Variants in GLIS2 observed in about 807,000 individuals in gnomAD.
The protein encoded by GLIS2 is zinc finger protein GLIS2.
GLIS2 carries 14 observed loss-of-function variants against 35.6 expected under a neutral mutation model. The observed-to-expected ratio is 0.39, with a 90% CI of 0.26 to 0.61. The LOEUF is 0.61. Among genes scored for constraint, GLIS2 ranks in the 20% least tolerant of loss-of-function variants. The pLI is 0.48. For missense variants in GLIS2, 675 were observed against 713.4 expected (o/e 0.95, Z 0.61); for synonymous variants, 368 against 325.1 (o/e 1.13, Z -1.42).
chr16:4,316,844 G>A (rs1330179321), intron 1 of GLIS2, among the ~76,000 whole-genome samples: 2 of 152,176 alleles, frequency 1.3e-5, no homozygotes, highest in African/African-American at 4.8e-5. Flanking sequence ...CCTGCGGTCC[G>A]GGTGGACGCA....
intron 1 of GLIS2, among the ~76,000 whole-genome samples, chr16:4,322,321 T>G (rs1322533070): frequency 1.3e-5 from 2 of 152,146 alleles, no homozygotes; most frequent in African/African-American, 2.4e-5. Flanking sequence ...CCTCGTCTAC[T>G]CCATGACTGG....
chr16:4,329,918 T>G (rs1003163790), intron 1 of GLIS2, among the ~76,000 whole-genome samples: 4 of 152,114 alleles, frequency 2.6e-5, no homozygotes, highest in Non-Finnish European at 5.9e-5. Context: ...GAAGTTTGGG[T>G]TTAGAATGAA....
chr16:4,338,024 A>C lies in GLIS2; in HGVS notation c.*500A>C. ...AGCCCCTGCCCTGGGGGCTCCTTGGACCCCTTTCCCTCTGACCCTGCCTCC... is the reference window on the plus strand; with the variant it reads ...AGCCCCTGCCCTGGGGGCTCCTTGGCCCCCTTTCCCTCTGACCCTGCCTCC... On this transcript the variant is annotated 3_prime_UTR_variant, in exon 7 of 7. Transcript: ENST00000433375. The C allele has an allele frequency of 9.8e-6, 2 of 203,672 alleles. No homozygotes were observed. Among genetic ancestry groups the C allele is most frequent in the Non-Finnish European group, 1.0e-5 (1 of 99,164 alleles). The allele number at this position is 203,672 out of a possible 1,614,324, so 12.6% of individuals were successfully genotyped here.
intron 1 of GLIS2, among the ~76,000 whole-genome samples, chr16:4,317,543 T>C (rs2053327335): frequency 6.6e-6 from 1 of 152,060 alleles, no homozygotes; most frequent in East Asian, 1.9e-4. Context: ...GGTGCCACAG[T>C]GCCACAGCTG....
At chr16:4,318,382 G>A (rs574727647) in intron 1 of GLIS2, among the ~76,000 whole-genome samples, 66 of 152,304 alleles carry the variant, frequency 4.3e-4, no homozygotes, top group African/African-American at 1.5e-3. Flanking sequence ...GAAAGAGGGT[G>A]TAAATCCAGC....
At chr16:4,325,183 C>T (rs1020373393) in intron 1 of GLIS2, 1 of 152,306 alleles carries the variant, frequency 6.6e-6, no homozygotes, top group Non-Finnish European at 1.5e-5. Flanking sequence ...CCCTCCTAGC[C>T]CCACAAGTCC....
rs965094283 is a variant in GLIS2 at position 4,337,143 on chromosome 16, G to A, written c.1194G>A (p.Met398Ile). 2 of 1,537,484 alleles carry A rather than the reference G, an allele frequency of 1.3e-6. No individual in the cohort carries two copies. Among genetic ancestry groups the A allele is most frequent in the Admixed American group, 2.0e-5 (1 of 50,988 alleles). The change falls in exon 7 of 7, where the codon ATG (methionine) becomes ATA (isoleucine). Residue 398 changes from methionine to isoleucine, a missense_variant. By Grantham distance (10) the Met-to-Ile change is conservative (BLOSUM62 1). Around this residue, in one of 3 missense-constraint regions of GLIS2, gnomAD observed 317 missense variants for 283.2 expected, o/e 1.12. Coordinates refer to ENST00000433375, the MANE Select transcript of GLIS2 (RefSeq NM_032575.3). ...NGGGSGGGGG[M>I]GPGLPGPVLP... ...GGGGCAGTGGGGGTGGGGGGGGCAT[G>A]GGCCCTGGGCTGCCAGGCCCCGTCC...
chr16:4,325,551 A>G (rs546404483), intron 1 of GLIS2, among the ~76,000 whole-genome samples: 1 of 152,230 alleles, frequency 6.6e-6, no homozygotes, highest in African/African-American at 2.4e-5. Flanking sequence ...GGTTCCAGTA[A>G]TAGACTCAGG....
chr16:4,332,392 A>G lies in GLIS2; in HGVS notation c.112A>G (p.Arg38Gly), dbSNP rs2053507012. The G allele has an allele frequency of 1.2e-6, 2 of 1,612,940 alleles. No homozygotes were observed. The highest frequency in any genetic ancestry group is 1.3e-5 in the African/African-American group (1 of 75,054). The change falls in exon 2 of 7, where the codon AGG becomes GGG. Residue 38 changes from arginine to glycine, a missense_variant. Coordinates refer to ENST00000433375, the MANE Select transcript of GLIS2 (RefSeq NM_032575.3). This position sits in a 1 kb window ranked among gnomAD's most constrained non-coding sequence, Gnocchi z 5.4. ...TGTGGTCCGGCCCCGTGCTCTGCACAGGGAGCTGGGCCTGGTGGATGACAG... is the reference window on the plus strand; with the variant it reads ...TGTGGTCCGGCCCCGTGCTCTGCACGGGGAGCTGGGCCTGGTGGATGACAG... ...LGVVRPRALH[R>G]ELGLVDDSPT... is the part of the protein sequence containing the mutation.
Position 4,339,183 on chromosome 16 carries a change from G to T in GLIS2, c.*1659G>T, listed in dbSNP as rs1394885727. ...CTCGAAGGGGCTATGAGCAAGGTAG[G>T]AGGGAGCTGGTCTCCTTTCTTCGGG... On this transcript the variant is annotated 3_prime_UTR_variant, in exon 7 of 7. Transcript: ENST00000433375. 1 of 152,514 alleles carries T rather than the reference G, an allele frequency of 6.6e-6. No homozygotes were observed. The highest frequency in any genetic ancestry group is 1.5e-5 in the Non-Finnish European group (1 of 68,196). 9.4% of individuals were successfully genotyped at this position (152,514 alleles called of 1,614,324 possible).
At chr16:4,318,599 A>G (rs969942290) in intron 1 of GLIS2, among the ~76,000 whole-genome samples, 1 of 152,194 alleles carries the variant, frequency 6.6e-6, no homozygotes, top group Non-Finnish European at 1.5e-5. Flanking sequence ...GAGGGCTGAG[A>G]GTGAACAGGC....
chr16:4,315,785 CCCCTCCCTCGG>C (rs1296982163), upstream of GLIS2, among the ~76,000 whole-genome samples: 3 of 151,020 alleles, frequency 2.0e-5, no homozygotes, highest in Non-Finnish European at 3.0e-5. Context: ...CCCTCCCTTC[CCCCTCCCTCGG>C]CCCAGCGCCG....
rs1208397595 is a variant in GLIS2 at position 4,338,354 on chromosome 16, CAG to C, written c.*831_*832del. The C allele has an allele frequency of 6.6e-6, 1 of 152,316 alleles. No individual in the cohort carries two copies. Among genetic ancestry groups the C allele is most frequent in the African/African-American group, 2.4e-5 (1 of 41,470 alleles). 9.4% of individuals were successfully genotyped at this position (152,316 alleles called of 1,614,324 possible). On this transcript the variant is annotated 3_prime_UTR_variant, in exon 7 of 7. Transcript: ENST00000433375. ...ATACTGAGTGACCTGGGCCCTGGCT[CAG>C]GGAGCATGTGGGGCCAGGCCCAGCG...
chr16:4,330,002 C>T (rs1170150488), intron 1 of GLIS2, among the ~76,000 whole-genome samples: 2 of 152,068 alleles, frequency 1.3e-5, no homozygotes, highest in Admixed American at 6.5e-5. Context: ...CCAGGTGGGG[C>T]GAGGTGGCTC....
rs750906253 is a variant in GLIS2, at chr16:4,337,077, C to T, written c.1128C>T (p.Pro376=). ...CCGGCTTACCCCTACCCCTGGCCCC[C>T]GGCCCCCTTGACCTCAGTGCCCTGG... ...GLPGLPLPLA[P]GPLDLSALAC... Residue 376 remains proline, a synonymous_variant, in exon 7 of 7, where the codon CCC becomes CCT. Transcript: ENST00000433375. 143 of 1,538,380 alleles carry T rather than the reference C, an allele frequency of 9.3e-5. No individual in the cohort carries two copies. In the South Asian group the frequency reaches 1.2e-3, roughly 13 times the overall value.
intron 1 of GLIS2, among the ~76,000 whole-genome samples, chr16:4,331,326 T>C (rs930680552): frequency 6.6e-6 from 1 of 152,170 alleles, no homozygotes; most frequent in African/African-American, 2.4e-5. Context: ...ATCTGTGCCT[T>C]AAGGACACGC....
At chr16:4,336,291 C>G (rs1335119521) in intron 6 of GLIS2, 2 of 321,744 alleles carry the variant, frequency 6.2e-6, no homozygotes, top group African/African-American at 4.3e-5. Context: ...GGATTACAGG[C>G]ACCTGCCACC....
intron 1 of GLIS2, among the ~76,000 whole-genome samples, chr16:4,327,820 G>A (rs1235096974): frequency 1.5e-5 from 2 of 135,876 alleles, no homozygotes; most frequent in African/African-American, 2.7e-5. Context: ...CGCTCGCCCC[G>A]CTCTAATTAG....
At chr16:4,318,953 G>C (rs2141119248) in intron 1 of GLIS2, among the ~76,000 whole-genome samples, 2 of 152,356 alleles carry the variant, frequency 1.3e-5, no homozygotes, top group Middle Eastern at 6.8e-3. Flanking sequence ...CTGTGACTGG[G>C]GGACCAGATG....
Sources: gnomAD v4.1 joint callset for allele counts (sites outside exome capture counted in the v4.1 genomes callset) on GRCh38, gnomAD v4.1.1 for gene constraint, gnomAD v4.1.1 regional missense constraint, Gnocchi (gnomAD v3.1) non-coding constraint, MANE v1.5 for transcripts, NCBI Gene and HGNC (gene_info 2026-07-23, HGNC 2026-07-21) for gene names.